SBF2: variants seen among roughly 807,000 people sequenced by gnomAD.
SBF2 encodes SET binding factor 2, also known as myotubularin-related protein 13.
A neutral mutation model predicts 225.2 loss-of-function variants in SBF2; 112 were observed. The observed-to-expected ratio is 0.50, with a 90% CI of 0.43 to 0.58. The LOEUF (loss-of-function observed/expected upper bound fraction) is 0.58, where lower values mean the gene tolerates loss of function less well. SBF2 is among the 20% of genes least tolerant of loss of function. The probability of loss-of-function intolerance (pLI) is 0.00; values close to 1 mark genes in which losing one functional copy is unlikely to be tolerated. For missense variants in SBF2, 1,996 were observed against 2,206.2 expected, an observed-to-expected ratio of 0.90 and a Z score of 1.91; for synonymous variants, 763 against 773.3, an observed-to-expected ratio of 0.99 and a Z score of 0.22.
At chr11:10,204,268 G>A (rs994111233) in intron 1 of SBF2, among the ~76,000 whole-genome samples, 7 of 148,276 alleles carry the variant, frequency 4.7e-5, no homozygotes, top group African/African-American at 1.2e-4. Context: ...TCAACCAAAC[G>A]TTTTATACCC....
At chr11:10,292,396 T>G (rs1182051504) in intron 1 of SBF2, among the ~76,000 whole-genome samples, 1 of 152,094 alleles carries the variant, frequency 6.6e-6, no homozygotes, top group Non-Finnish European at 1.5e-5. Flanking sequence ...GTTTCAACAT[T>G]GTTGGCCGGG....
chr11:10,142,153 T>C (rs1954677177), intron 2 of SBF2, among the ~76,000 whole-genome samples: 1 of 152,200 alleles, frequency 6.6e-6, no homozygotes, highest in Non-Finnish European at 1.5e-5. Flanking sequence ...TTTAGACATT[T>C]TTCTTAGCAA....
intron 2 of SBF2, among the ~76,000 whole-genome samples, chr11:10,134,642 G>A (rs1032162612): frequency 1.3e-5 from 2 of 152,174 alleles, no homozygotes; most frequent in Non-Finnish European, 2.9e-5. Flanking sequence ...GTGCAAGTCC[G>A]AAATCCAGCA....
At chr11:9,800,318 T>C (rs1853412070) in intron 32 of SBF2, among the ~76,000 whole-genome samples, 2 of 152,318 alleles carry the variant, frequency 1.3e-5, no homozygotes, top group East Asian at 1.9e-4. Flanking sequence ...TCAGCAAATA[T>C]ATGGTTTACA....
intron 2 of SBF2, among the ~76,000 whole-genome samples, chr11:10,092,451 T>C (rs1175839765): frequency 6.6e-6 from 1 of 152,168 alleles, no homozygotes; most frequent in Non-Finnish European, 1.5e-5. Context: ...ATGAATGAAA[T>C]GAGAAGTGAA....
chr11:9,936,827 G>C (rs774884470), intron 16 of SBF2, among the ~76,000 whole-genome samples: 21 of 152,194 alleles, frequency 1.4e-4, no homozygotes, highest in Non-Finnish European at 2.8e-4. Context: ...GGTAGGGATA[G>C]CATTAGGAGA....
intron 3 of SBF2, among the ~76,000 whole-genome samples, chr11:10,039,238 G>C (rs1949560542): frequency 6.6e-6 from 1 of 151,774 alleles, no homozygotes; most frequent in Non-Finnish European, 1.5e-5. Flanking sequence ...ATTTTGAACT[G>C]ATGATATGAT....
intron 6 of SBF2, among the ~76,000 whole-genome samples, chr11:10,024,505 T>G (rs1471627110): frequency 6.6e-6 from 1 of 152,126 alleles, no homozygotes; most frequent in East Asian, 1.9e-4. Flanking sequence ...AGCCTCAAGT[T>G]GTGTGCCTTC....
intron 1 of SBF2, among the ~76,000 whole-genome samples, chr11:10,196,837 A>AATATATATATATAT (rs71313475): frequency 7.2e-5 from 6 of 83,496 alleles, no homozygotes; most frequent in Admixed American, 1.4e-4. Flanking sequence ...TTCTTGCATA[A>AATATATATATATAT]ATATATATAT....
chr11:10,113,289 T>C (rs1349206572), intron 2 of SBF2, among the ~76,000 whole-genome samples: 2 of 152,164 alleles, frequency 1.3e-5, no homozygotes, highest in Non-Finnish European at 2.9e-5. Context: ...CCACCACGCC[T>C]GGCTGGGACT....
At chr11:10,181,894 A>T (rs899103427) in intron 2 of SBF2, among the ~76,000 whole-genome samples, 1 of 152,208 alleles carries the variant, frequency 6.6e-6, no homozygotes, top group Non-Finnish European at 1.5e-5. Context: ...CTTTTCTTCA[A>T]TAAATACACA....
At chr11:10,033,252 C>T (rs981730905) in intron 3 of SBF2, among the ~76,000 whole-genome samples, 10 of 152,074 alleles carry the variant, frequency 6.6e-5, no homozygotes, top group Non-Finnish European at 1.3e-4. Context: ...ATAAAGCTAT[C>T]CACATTTTAT....
rs552745941 is a variant in SBF2, at chr11:10,017,094, A to C, written c.619+11358T>G. On this transcript the variant is annotated intron_variant, in intron 6 of 39. Coordinates refer to ENST00000256190, the MANE Select transcript of SBF2 (RefSeq NM_030962.4). ...CTGTTGATTATTCAAAGAGTAAAACATTCTGAAAGATGGCTTCCTGATCTC... is the reference window on the plus strand; with the variant it reads ...CTGTTGATTATTCAAAGAGTAAAACCTTCTGAAAGATGGCTTCCTGATCTC... 18 of 152,346 alleles carry C rather than the reference A, an allele frequency of 1.2e-4. No individual in the cohort carries two copies. The South Asian group carries it at 3.7e-3, about 32-fold the overall frequency. 9.4% of individuals were successfully genotyped at this position (152,346 alleles called of 1,614,324 possible).
chr11:10,128,184 G>C (rs1261028831), intron 2 of SBF2, among the ~76,000 whole-genome samples: 1 of 152,074 alleles, frequency 6.6e-6, no homozygotes, highest in Non-Finnish European at 1.5e-5. Context: ...AAAATAATAC[G>C]ATTAAACACA....
chr11:9,883,485 T>G (rs1360455872), intron 17 of SBF2, among the ~76,000 whole-genome samples: 1 of 152,202 alleles, frequency 6.6e-6, no homozygotes, highest in Non-Finnish European at 1.5e-5. Context: ...GAATAGGTTC[T>G]GAAATCAGAC....
At chr11:10,267,311 T>C (rs1310982330) in intron 1 of SBF2, among the ~76,000 whole-genome samples, 4 of 151,530 alleles carry the variant, frequency 2.6e-5, no homozygotes, top group Admixed American at 6.6e-5. Flanking sequence ...GTTTCTATAT[T>C]GTTTGAGACA....
At chr11:9,987,882 T>C (rs1321169888) in intron 13 of SBF2, among the ~76,000 whole-genome samples, 1 of 152,188 alleles carries the variant, frequency 6.6e-6, no homozygotes, top group African/African-American at 2.4e-5. Context: ...CTCATCGGAA[T>C]ACCATCATCA....
chr11:10,185,118 G>A (rs1033752915), intron 2 of SBF2, among the ~76,000 whole-genome samples: 2 of 150,082 alleles, frequency 1.3e-5, no homozygotes, highest in African/African-American at 4.9e-5. Flanking sequence ...CTGGGGGGGG[G>A]TGTGTGTGTG....
Position 9,794,508 on chromosome 11 carries a change from T to C in SBF2, c.4570+1323A>G, listed in dbSNP as rs574687859. Among the ~76,000 whole-genome samples, 44 of 150,310 alleles carry C rather than the reference T, an allele frequency of 2.9e-4. No individual in the cohort carries two copies. In the South Asian group the frequency reaches 9.3e-3, roughly 32 times the overall value. On this transcript the variant is annotated intron_variant, in intron 33 of 39. Coordinates refer to ENST00000256190, the MANE Select transcript of SBF2 (RefSeq NM_030962.4). ...GGTGAAACCTTGTCTCTACTAAAAA[T>C]ACAAAAATTAGCCAGGCATGGTGGC...
Sources: allele counts gnomAD v4.1 joint callset (sites outside exome capture counted in the v4.1 genomes callset), GRCh38; gene constraint gnomAD v4.1.1; transcripts MANE v1.5; gene names NCBI Gene and HGNC (gene_info 2026-07-23, HGNC 2026-07-21).